Variants in NEMP1 observed in about 807,000 individuals in gnomAD.
NEMP1 encodes the protein transmembrane protein 194.
In NEMP1, 29 loss-of-function variants were observed where a neutral mutation model predicts 53.7. That is an observed-to-expected ratio of 0.54 (90% confidence interval 0.40 to 0.74). NEMP1 has a LOEUF of 0.74. Ranked by LOEUF, NEMP1 falls within the 30% of genes least tolerant of loss-of-function variation. The pLI is 0.00. For synonymous variants in NEMP1, 193 were observed against 192.9 expected (o/e 1.00, Z 0.00); for missense variants, 477 against 528.6 (o/e 0.90, Z 0.96).
intron 8 of NEMP1, among the ~76,000 whole-genome samples, chr12:57,060,480 A>AG (rs1358756804): frequency 6.6e-6 from 1 of 152,174 alleles, no homozygotes; most frequent in African/African-American, 2.4e-5. Flanking sequence ...AAAAGTGGGT[A>AG]GGGGGGAACC....
rs2032306895 is a variant in NEMP1, at chr12:57,070,751, C to G, written c.395G>C (p.Gly132Ala). Residue 132 changes from glycine (G) to alanine (A), a missense_variant, in exon 3 of 9, where the codon GGT becomes GCT. Gly to Ala is a moderately conservative substitution (Grantham distance 60). Transcript: ENST00000300128. ...GAGGCAGGTTTTTGTGCTGTATAGA[C>G]CCACGTTAACATAGGTGTCATTCAA... Reference protein sequence around the residue: ...EKLNDTYVNVGLYSTKTCLKV... With the variant: ...EKLNDTYVNVALYSTKTCLKV... 6.3e-7 allele frequency: 1 copy of G among 1,594,672 alleles called. No individual in the cohort carries two copies. Among genetic ancestry groups the G allele is most frequent in the East Asian group, 2.3e-5 (1 of 43,598 alleles).
In NEMP1 at chr12:57,059,464, T is replaced by C. The variant is rs2031690517; in HGVS notation, c.*415A>G. ...AAGGAGGCTCAGATTTGTGGATTTCTCTCTGGAAGTTGCAGCCTATAGTCT... is the reference window on the plus strand; with the variant it reads ...AAGGAGGCTCAGATTTGTGGATTTCCCTCTGGAAGTTGCAGCCTATAGTCT... On this transcript the variant is annotated 3_prime_UTR_variant, in exon 9 of 9. Transcript: ENST00000300128. 1 of 155,496 alleles carries C rather than the reference T, an allele frequency of 6.4e-6. No individual in the cohort carries two copies. The highest frequency in any genetic ancestry group is 1.4e-5 in the Non-Finnish European group (1 of 70,430). The allele number at this position is 155,496 out of a possible 1,614,324, so 9.6% of individuals were successfully genotyped here. A position where few individuals can be genotyped will look rare whatever the true frequency, so the allele number is the denominator to read the frequency against.
intron 1 of NEMP1, among the ~76,000 whole-genome samples, chr12:57,075,834 G>A (rs1732279589): frequency 6.6e-6 from 1 of 151,688 alleles, no homozygotes; most frequent in Non-Finnish European, 1.5e-5. Flanking sequence ...CGGGCATGGT[G>A]GCACACACCT....
intron 1 of NEMP1, among the ~76,000 whole-genome samples, chr12:57,087,162 CCT>C (rs1184782866): frequency 2.0e-5 from 3 of 152,250 alleles, no homozygotes; most frequent in African/African-American, 4.8e-5. Flanking sequence ...CCTCCCTCCC[CCT>C]CTTTCCCGGA....
At chr12:57,070,545 T>G (rs541824242) in intron 3 of NEMP1, 129 bp downstream of exon 3, 2 of 709,188 alleles carry the variant, frequency 2.8e-6, no homozygotes, top group Non-Finnish European at 4.7e-6. Context: ...AGCAGTGGTA[T>G]ACTCAGGGTT....
At chr12:57,082,710 G>A (rs2032881420), upstream of NEMP1, among the ~76,000 whole-genome samples, 1 of 151,928 alleles carries the variant, frequency 6.6e-6, no homozygotes. Context: ...AGACCTTGTT[G>A]CTAAAAAAAT....
chr12:57,072,959 A>G, intron 1 of NEMP1, 47 bp from the exon 2 acceptor site: 1 of 1,506,168 alleles, frequency 6.6e-7, no homozygotes, highest in South Asian at 1.3e-5. Context: ...CAAGCTAATA[A>G]CTATAACTCA....
chr12:57,087,703 A>G (rs1270930505), intron 1 of NEMP1, among the ~76,000 whole-genome samples: 1 of 151,804 alleles, frequency 6.6e-6, no homozygotes, highest in Non-Finnish European at 1.5e-5. Context: ...ACATTGTAAA[A>G]CCAGCCCCGG....
At chr12:57,067,042 T>C (rs1453399104) in intron 4 of NEMP1, among the ~76,000 whole-genome samples, 1 of 152,150 alleles carries the variant, frequency 6.6e-6, no homozygotes, top group Non-Finnish European at 1.5e-5. Context: ...AATGAACTAA[T>C]AGGCTGGGCG....
intron 4 of NEMP1, among the ~76,000 whole-genome samples, chr12:57,068,629 G>A (rs746644640): frequency 6.6e-6 from 1 of 152,032 alleles, no homozygotes; most frequent in South Asian, 2.1e-4. Context: ...ACAGTGGCAC[G>A]ATCTCGGCTC....
At chr12:57,077,185 A>G (rs2032667024) in intron 1 of NEMP1, among the ~76,000 whole-genome samples, 1 of 151,756 alleles carries the variant, frequency 6.6e-6, no homozygotes, top group African/African-American at 2.4e-5. Flanking sequence ...ACAAAAAATT[A>G]GCCGGGCGTG....
At chr12:57,073,302 C>T (rs1343605196) in intron 1 of NEMP1, among the ~76,000 whole-genome samples, 1 of 151,946 alleles carries the variant, frequency 6.6e-6, no homozygotes, top group Non-Finnish European at 1.5e-5. Context: ...CAGGCGCCCG[C>T]CACCGTGCCC....
chr12:57,060,710 T>G (rs2031757562), intron 8 of NEMP1, 62 bp downstream of exon 8: 4 of 1,511,260 alleles, frequency 2.6e-6, no homozygotes, highest in Non-Finnish European at 3.6e-6. Flanking sequence ...AAGTATGATC[T>G]CTGGTAGAAC....
chr12:57,074,475 G>A (rs1418365506), intron 1 of NEMP1, among the ~76,000 whole-genome samples: 2 of 151,442 alleles, frequency 1.3e-5, no homozygotes, highest in Non-Finnish European at 2.9e-5. Context: ...TTGTGTGTGT[G>A]TATTTTTGTA....
intron 1 of NEMP1, among the ~76,000 whole-genome samples, chr12:57,087,287 C>T (rs889542436): frequency 2.0e-5 from 3 of 152,294 alleles, no homozygotes; most frequent in South Asian, 2.1e-4. Context: ...AGGCTCAGCG[C>T]CGCCCCAAGG....
At chr12:57,078,532 T>G in intron 1 of NEMP1, 87 bp downstream of exon 1, 1 of 1,504,228 alleles carries the variant, frequency 6.6e-7, no homozygotes, top group Non-Finnish European at 8.9e-7. Context: ...TTCTGCAGAG[T>G]AACGGCCCGC....
chr12:57,088,608 G>A (rs569215498), upstream of NEMP1, among the ~76,000 whole-genome samples: 2 of 152,186 alleles, frequency 1.3e-5, no homozygotes, highest in Admixed American at 1.3e-4. Flanking sequence ...GTGCGCTTCT[G>A]TGTCTTTGTG....
At chr12:57,064,426 A>C (rs1483843334) in intron 5 of NEMP1, among the ~76,000 whole-genome samples, 1 of 152,196 alleles carries the variant, frequency 6.6e-6, no homozygotes, top group Non-Finnish European at 1.5e-5. Context: ...CAGGAAGCAG[A>C]CTTTAATCCC....
Position 57,064,746 on chromosome 12 carries a change from GA to G in NEMP1, c.546-8del. ...GTAGTAGAAAATTTGACTTCTGCAGGAAAAAAATGTATTTCATGACCATATG... is the reference window on the plus strand; with the variant it reads ...GTAGTAGAAAATTTGACTTCTGCAGGAAAAAATGTATTTCATGACCATATG... On this transcript the variant is annotated splice_region_variant and splice_polypyrimidine_tract_variant and intron_variant, in intron 4 of 8. Transcript: ENST00000300128. 4.4e-6 allele frequency: 7 copies of G among 1,600,466 alleles called. No homozygotes were observed. Among genetic ancestry groups the G allele is most frequent in the Admixed American group, 1.7e-5 (1 of 58,630 alleles).
Sources: gnomAD v4.1 joint callset for allele counts (sites outside exome capture counted in the v4.1 genomes callset) on GRCh38, gnomAD v4.1.1 for gene constraint, MANE v1.5 for transcripts, NCBI Gene and HGNC (gene_info 2026-07-23, HGNC 2026-07-21) for gene names.